The following CPA4 variants were observed in gnomAD, a reference collection of about 807,000 sequenced individuals.
CPA4 encodes the protein carboxypeptidase A4.
A neutral mutation model predicts 54.7 loss-of-function variants in CPA4; 49 were observed. The ratio of observed to expected loss-of-function variants is 0.90; its 90% CI spans 0.71 to 1.14. The LOEUF (loss-of-function observed/expected upper bound fraction) is 1.14. Ranked by LOEUF, CPA4 falls within the 50% of genes most tolerant of loss-of-function variation. The probability of loss-of-function intolerance (pLI) is 0.00; values close to 1 mark genes in which losing one functional copy is unlikely to be tolerated. For missense variants in CPA4, 487 were observed against 525.1 expected, an observed-to-expected ratio of 0.93 and a Z score of 0.71; for synonymous variants, 215 against 206.8, an observed-to-expected ratio of 1.04 and a Z score of -0.34.
At chr7:130,306,291 G>C (rs373120202) in intron 6 of CPA4, 1 of 284,488 alleles carries the variant, frequency 3.5e-6, no homozygotes, top group Non-Finnish European at 6.7e-6. Context: ...GCTGAGGCAG[G>C]AGAATCCCTT....
intron 9 of CPA4, 88 bp from the exon 10 acceptor site, chr7:130,311,950 T>G: frequency 1.0e-6 from 1 of 978,786 alleles, no homozygotes; most frequent in South Asian, 1.3e-5. Context: ...GGGCTGAGAA[T>G]CTTCCAAACC....
Position 130,312,080 on chromosome 7 carries a change from T to A in CPA4, c.1036T>A (p.Ser346Thr). ...TGCGGCCAAAGCTCTGGCTTCTGTG[T>A]CGGGCACTGAGTACCAAGTGGGTCC... ...RLAAKALASV[S>T]GTEYQVGPTC... The change falls in exon 10 of 11, where the codon TCG becomes ACG. Residue 346 changes from serine to threonine, a missense_variant. By Grantham distance (58) the Ser-to-Thr change is moderately conservative (BLOSUM62 1). Coordinates refer to ENST00000222482, the MANE Select transcript of CPA4 (RefSeq NM_016352.4). 2 of 1,614,162 alleles carry A rather than the reference T, an allele frequency of 1.2e-6. No homozygotes were observed. The highest frequency in any genetic ancestry group is 1.7e-6 in the Non-Finnish European group (2 of 1,180,014).
rs376727562 is a variant in CPA4, at chr7:130,308,371, A to C, written c.767A>C (p.Asn256Thr). ...AGCTCCTGCATTGGTGCTGACCCAAATAGAAACTGGAACGCTAGTTTTGCA... is the reference window on the plus strand; with the variant it reads ...AGCTCCTGCATTGGTGCTGACCCAACTAGAAACTGGAACGCTAGTTTTGCA... ...PGSSCIGADP[N>T]RNWNASFAGK... Residue 256 changes from asparagine (N) to threonine (T), a missense_variant, in exon 8 of 11, where the codon AAT becomes ACT. Coordinates refer to ENST00000222482, the MANE Select transcript of CPA4 (RefSeq NM_016352.4). 2.1e-5 allele frequency: 34 copies of C among 1,614,084 alleles called. No homozygotes were observed. Among genetic ancestry groups the C allele is most frequent in the Non-Finnish European group, 2.9e-5 (34 of 1,179,982 alleles).
chr7:130,293,376 C>T (rs1584742251), intron 1 of CPA4, 128 bp downstream of exon 1: 2 of 698,230 alleles, frequency 2.9e-6, no homozygotes. Flanking sequence ...AGCTTTGCCC[C>T]TGTGTCATCC....
chr7:130,306,148 TG>T (rs771811846), intron 6 of CPA4: 16 of 568,178 alleles, frequency 2.8e-5, no homozygotes, highest in Non-Finnish European at 4.7e-5. Context: ...GCAGCAGAGG[TG>T]GGCCTGAGCC....
rs569962111 is a variant in CPA4, at chr7:130,320,871, C to T, written c.1079-1618C>T. On this transcript the variant is annotated intron_variant, in intron 10 of 10. Transcript: ENST00000222482. Reference sequence around the variant, plus strand: ...TGCCTGGCTCATAGTAGCTGCTCAACAGATGGTAGCTGCTACTGACATCAT... The same window carrying T: ...TGCCTGGCTCATAGTAGCTGCTCAATAGATGGTAGCTGCTACTGACATCAT... 3.0e-4 allele frequency among the ~76,000 whole-genome samples: 45 copies of T among 152,308 alleles called. 1 individual carries two copies. In the South Asian group the frequency reaches 9.1e-3, roughly 31 times the overall value.
At chr7:130,307,193 T>C (rs1312560903) in intron 7 of CPA4, among the ~76,000 whole-genome samples, 1 of 152,110 alleles carries the variant, frequency 6.6e-6, no homozygotes, top group Non-Finnish European at 1.5e-5. Flanking sequence ...CAACACATTA[T>C]GTTATTTCAC....
chr7:130,295,780 G>T (rs1793638993), intron 1 of CPA4, among the ~76,000 whole-genome samples: 1 of 152,154 alleles, frequency 6.6e-6, no homozygotes, highest in African/African-American at 2.4e-5. Context: ...GGGAGTTCGA[G>T]ACCAGCCTGA....
intron 10 of CPA4, among the ~76,000 whole-genome samples, chr7:130,313,686 C>CT (rs891764326): frequency 1.1e-4 from 16 of 152,118 alleles, no homozygotes; most frequent in African/African-American, 3.9e-4. Context: ...GGATGGCCCT[C>CT]TTTTTTAAAA....
intron 9 of CPA4, among the ~76,000 whole-genome samples, chr7:130,311,805 C>T (rs1038878002): frequency 1.3e-5 from 2 of 152,108 alleles, no homozygotes; most frequent in Non-Finnish European, 2.9e-5. Context: ...CTCATCTCCT[C>T]CCCCAAACTG....
intron 8 of CPA4, 147 bp downstream of exon 8, chr7:130,308,544 T>G: frequency 6.0e-6 from 4 of 661,570 alleles, no homozygotes; most frequent in Non-Finnish European, 2.7e-6. Flanking sequence ...CCTTAGGCTC[T>G]GACTTAGTGT....
At position 130,310,578 on chromosome 7, in the gene CPA4, T is replaced by C. The variant is rs1429488199; in HGVS notation, c.794-209T>C. 6.6e-6 allele frequency among the ~76,000 whole-genome samples: 1 copy of C among 152,216 alleles called. No homozygotes were observed. The highest frequency in any genetic ancestry group is 2.4e-5 in the African/African-American group (1 of 41,470). On this transcript the variant is annotated intron_variant, in intron 8 of 10. Transcript: ENST00000222482. This position sits in a 1 kb window ranked among gnomAD's most constrained non-coding sequence, Gnocchi z 4.3. ...AAGGCAAGGTCAACTCCAACAGTTT[T>C]TCTCCTCAGCTGTAGCAGACCCAAC...
chr7:130,298,278 G>T (rs1793682290), intron 1 of CPA4, among the ~76,000 whole-genome samples: 1 of 152,204 alleles, frequency 6.6e-6, no homozygotes, highest in African/African-American at 2.4e-5. Flanking sequence ...GCTTCTTTAT[G>T]TCTTGAGTTA....
chr7:130,303,505 C>T (rs1793770624), intron 4 of CPA4, among the ~76,000 whole-genome samples: 1 of 152,080 alleles, frequency 6.6e-6, no homozygotes, highest in Non-Finnish European at 1.5e-5. Flanking sequence ...ATATTTGTAT[C>T]ATTGTGTGTG....
At chr7:130,301,973 C>A (rs973775517) in intron 4 of CPA4, among the ~76,000 whole-genome samples, 10 of 152,192 alleles carry the variant, frequency 6.6e-5, no homozygotes, top group African/African-American at 2.4e-4. Flanking sequence ...TAACCAGTTG[C>A]AAATGTCACC....
At chr7:130,295,958 A>G (rs1347292445) in intron 1 of CPA4, among the ~76,000 whole-genome samples, 1 of 152,216 alleles carries the variant, frequency 6.6e-6, no homozygotes, top group East Asian at 1.9e-4. Flanking sequence ...CAGCCTGGGC[A>G]AGGCAACAAG....
chr7:130,314,972 G>C (rs1187721479), intron 10 of CPA4, among the ~76,000 whole-genome samples: 4 of 152,184 alleles, frequency 2.6e-5, no homozygotes, highest in Non-Finnish European at 5.9e-5. Flanking sequence ...TTTAGACTTG[G>C]TTGTTTGGGT....
At chr7:130,309,192 G>A (rs1042893558) in intron 8 of CPA4, among the ~76,000 whole-genome samples, 1 of 152,202 alleles carries the variant, frequency 6.6e-6, no homozygotes, top group Admixed American at 6.5e-5. Flanking sequence ...GAAAGGGAAT[G>A]ATAGTGATGT....
At chr7:130,311,392 G>T (rs1793910435) in intron 9 of CPA4, among the ~76,000 whole-genome samples, 1 of 152,160 alleles carries the variant, frequency 6.6e-6, no homozygotes, top group Non-Finnish European at 1.5e-5. Context: ...CCAGAACGTG[G>T]GCCATCAGGA....
Sources: allele counts gnomAD v4.1 joint callset (sites outside exome capture counted in the v4.1 genomes callset), GRCh38; gene constraint gnomAD v4.1.1; non-coding constraint Gnocchi (gnomAD v3.1); transcripts MANE v1.5; gene names NCBI Gene and HGNC (gene_info 2026-07-23, HGNC 2026-07-21).